RANGAP1: variants seen among roughly 807,000 people sequenced by gnomAD.
RANGAP1 encodes ran GTPase-activating protein 1.
RANGAP1 carries 38 observed loss-of-function variants against 63.5 expected under a neutral mutation model. The observed-to-expected ratio is 0.60, with a 90% CI of 0.46 to 0.78. The LOEUF is 0.78. Ranked by LOEUF, RANGAP1 falls within the 30% of genes least tolerant of loss-of-function variation. RANGAP1 has a pLI of 0.00. For missense variants in RANGAP1, 630 were observed against 740.3 expected (o/e 0.85, Z 1.73); for synonymous variants, 329 against 310.5 (o/e 1.06, Z -0.63).
intron 13 of RANGAP1, 68 bp downstream of exon 13, chr22:41,250,939 G>T: frequency 7.4e-7 from 1 of 1,346,912 alleles, no homozygotes; most frequent in Non-Finnish European, 1.1e-6. Flanking sequence ...CGGCAACCAC[G>T]AAGGATACCT....
chr22:41,246,445 C>A lies in RANGAP1; in HGVS notation c.*158G>T. Reference sequence around the variant, plus strand: ...CAGACCTGCACATGCGCCACACCCACACACATACTCAGGGGACTGACAGGA... The same window carrying A: ...CAGACCTGCACATGCGCCACACCCAAACACATACTCAGGGGACTGACAGGA... On this transcript the variant is annotated 3_prime_UTR_variant, in exon 16 of 16. Transcript: ENST00000356244. The A allele has an allele frequency of 1.4e-6, 1 of 728,814 alleles. No individual in the cohort carries two copies. Among genetic ancestry groups the A allele is most frequent in the Non-Finnish European group, 2.2e-6 (1 of 446,176 alleles). 45.1% of individuals were successfully genotyped at this position (728,814 alleles called of 1,614,324 possible). A position where few individuals can be genotyped will look rare whatever the true frequency, so the allele number is the denominator to read the frequency against.
intron 13 of RANGAP1, among the ~76,000 whole-genome samples, chr22:41,250,168 G>A (rs948229618): frequency 2.0e-5 from 3 of 152,252 alleles, no homozygotes; most frequent in Non-Finnish European, 4.4e-5. Flanking sequence ...ATTTTGGCAG[G>A]GTGAGGGGAT....
chr22:41,296,066 A>G, the RANGAP1 span, among the ~76,000 whole-genome samples: 1 of 147,838 alleles, frequency 6.8e-6, no homozygotes, highest in Non-Finnish European at 1.5e-5. Flanking sequence ...GTGGAGCAGA[A>G]CAGAGGGATT....
rs1370032931 is a variant in RANGAP1 at position 41,245,767 on chromosome 22, C to T, written c.*836G>A. 1 of 152,480 alleles carries T rather than the reference C, an allele frequency of 6.6e-6. No homozygotes were observed. The highest frequency in any genetic ancestry group is 1.5e-5 in the Non-Finnish European group (1 of 68,254). 9.4% of individuals were successfully genotyped at this position (152,480 alleles called of 1,614,324 possible). On this transcript the variant is annotated 3_prime_UTR_variant, in exon 16 of 16. Coordinates refer to ENST00000356244, the MANE Select transcript of RANGAP1 (RefSeq NM_002883.4). ...TACCGCTCCCCTGCCCCAGGAGGTC[C>T]TTTAAGAGCAGCGTCCAGATGCAGC...
In RANGAP1 at chr22:41,264,853, G is replaced by A; in HGVS notation, c.301-10C>T. ...CTTCCCCTAGTGAGATCTGGGCACA[G>A]AGGAAGCTCGTGTCAGTTTCATAGA... On this transcript the variant is annotated splice_polypyrimidine_tract_variant and intron_variant, in intron 4 of 15. Transcript: ENST00000356244. 1 of 1,589,236 alleles carries A rather than the reference G, an allele frequency of 6.3e-7. No individual in the cohort carries two copies. Among genetic ancestry groups the A allele is most frequent in the Non-Finnish European group, 8.6e-7 (1 of 1,159,896 alleles).
chr22:41,295,234 A>G, the RANGAP1 span, among the ~76,000 whole-genome samples: 2 of 151,794 alleles, frequency 1.3e-5, no homozygotes, highest in Non-Finnish European at 2.9e-5. Context: ...CAGGATGACA[A>G]TGGCGGCTTT....
the RANGAP1 span, among the ~76,000 whole-genome samples, chr22:41,299,354 G>C: frequency 6.6e-6 from 1 of 151,890 alleles, no homozygotes; most frequent in African/African-American, 2.4e-5. Context: ...GGATGGTCTC[G>C]ATCTCCTGAC....
intron 8 of RANGAP1, 88 bp downstream of exon 8, chr22:41,256,623 A>T: frequency 8.5e-7 from 1 of 1,171,506 alleles, no homozygotes; most frequent in South Asian, 1.4e-5. Flanking sequence ...ACACAGGCCC[A>T]CCTGCCTTCA....
intron 15 of RANGAP1, among the ~76,000 whole-genome samples, chr22:41,248,411 C>A (rs1002715457): frequency 6.6e-6 from 1 of 152,218 alleles, no homozygotes; most frequent in African/African-American, 2.4e-5. Flanking sequence ...AGGGCTGCCG[C>A]GGCACCAGCT....
intron 3 of RANGAP1, 125 bp downstream of exon 3, chr22:41,274,475 G>GAGCT: frequency 7.1e-7 from 1 of 1,412,386 alleles, no homozygotes. Context: ...AGAGGAAGAG[G>GAGCT]AGCTGCTTGG....
At chr22:41,287,283 G>C (rs1932403321), upstream of RANGAP1, among the ~76,000 whole-genome samples, 1 of 151,890 alleles carries the variant, frequency 6.6e-6, no homozygotes, top group South Asian at 2.1e-4. Context: ...ATGTTAATCA[G>C]TTAATCTGGT....
rs1262632423 is a variant in RANGAP1, at chr22:41,280,817, G to T, written c.112+116C>A. 3.2e-6 allele frequency: 5 copies of T among 1,542,766 alleles called. No individual in the cohort carries two copies. In the South Asian group the frequency reaches 5.8e-5, roughly 18 times the overall value. On this transcript the variant is annotated intron_variant, in intron 2 of 15. Transcript: ENST00000356244. ...AATAGGCCCAATGATACCTCACAGA[G>T]CTGCTGGGACAAATAATGGAGACAA...
chr22:41,265,684 A>G (rs186666868), intron 4 of RANGAP1, among the ~76,000 whole-genome samples: 90 of 152,276 alleles, frequency 5.9e-4, no homozygotes, highest in African/African-American at 2.0e-3. Flanking sequence ...GGGGAGAGCT[A>G]CATTCCCTCA....
upstream of RANGAP1, among the ~76,000 whole-genome samples, chr22:41,287,717 T>C (rs1318017270): frequency 6.7e-6 from 1 of 149,646 alleles, no homozygotes; most frequent in Admixed American, 6.7e-5. Flanking sequence ...CTGGGCGCAG[T>C]GGCTCACACC....
At chr22:41,269,734 T>A (rs1601667571) in intron 3 of RANGAP1, among the ~76,000 whole-genome samples, 1 of 127,022 alleles carries the variant, frequency 7.9e-6, no homozygotes, top group Non-Finnish European at 1.6e-5. Flanking sequence ...ACAGAAAGAC[T>A]CTCTCAAAAA....
At chr22:41,276,771 T>G (rs2035170718) in intron 2 of RANGAP1, among the ~76,000 whole-genome samples, 1 of 150,506 alleles carries the variant, frequency 6.6e-6, no homozygotes, top group South Asian at 2.1e-4. Context: ...AGGTCAGGAG[T>G]TCAGGAGTTC....
At chr22:41,280,555 C>CT (rs2145845429) in intron 2 of RANGAP1, 3 of 785,496 alleles carry the variant, frequency 3.8e-6, no homozygotes, top group Non-Finnish European at 5.5e-6. Flanking sequence ...GGGAAAGCTG[C>CT]AGCTATTCCC....
upstream of RANGAP1, chr22:41,286,392 G>C (rs1318522150): frequency 6.6e-6 from 1 of 152,510 alleles, no homozygotes; most frequent in East Asian, 1.9e-4. Flanking sequence ...GTCCTCCACC[G>C]CCCTCCTCTT....
chr22:41,261,593 G>T lies in RANGAP1; in HGVS notation c.481-13C>A. The T allele has an allele frequency of 6.2e-7, 1 of 1,614,152 alleles. No individual in the cohort carries two copies. Among genetic ancestry groups the T allele is most frequent in the African/African-American group, 1.3e-5 (1 of 75,052 alleles). On this transcript the variant is annotated splice_polypyrimidine_tract_variant and intron_variant, in intron 5 of 15. Coordinates refer to ENST00000356244, the MANE Select transcript of RANGAP1 (RefSeq NM_002883.4). ...CTGCAGCCAGGATCTGTGGGGAAAG[G>T]CAAGGGGCCCTGGTCATGGGCAGGA...
Sources: gnomAD v4.1 joint callset for allele counts (sites outside exome capture counted in the v4.1 genomes callset) on GRCh38, gnomAD v4.1.1 for gene constraint, MANE v1.5 for transcripts, NCBI Gene and HGNC (gene_info 2026-07-23, HGNC 2026-07-21) for gene names.